Variants in ACOT12 observed in about 807,000 individuals in gnomAD.
ACOT12 encodes the protein acyl-CoA thioesterase 12, also known as acetyl-coenzyme A thioesterase.
ACOT12 carries 51 observed loss-of-function variants against 67.7 expected under a neutral mutation model. The observed-to-expected ratio is 0.75, with a 90% CI of 0.60 to 0.95. ACOT12 has a LOEUF of 0.95. Among genes scored for constraint, ACOT12 ranks in the 40% least tolerant of loss-of-function variants. The probability of loss-of-function intolerance (pLI) is 0.00; values close to 1 mark genes in which losing one functional copy is unlikely to be tolerated. For missense variants in ACOT12, 734 were observed against 708.1 expected (o/e 1.04, Z -0.41); for synonymous variants, 251 against 244.6 (o/e 1.03, Z -0.24).
At chr5:81,351,689 T>G (rs181396562) in intron 5 of ACOT12, among the ~76,000 whole-genome samples, 1 of 152,216 alleles carries the variant, frequency 6.6e-6, no homozygotes, top group Admixed American at 6.5e-5. Flanking sequence ...AGGACATTGG[T>G]CTGGACAAAA....
chr5:81,340,663 A>C (rs1290781639), intron 11 of ACOT12, among the ~76,000 whole-genome samples: 1 of 152,214 alleles, frequency 6.6e-6, no homozygotes, highest in Non-Finnish European at 1.5e-5. Flanking sequence ...CCTGGCCCAA[A>C]AGTATGATTC....
downstream of ACOT12, among the ~76,000 whole-genome samples, chr5:81,326,641 G>A (rs1758681187): frequency 6.6e-6 from 1 of 152,214 alleles, no homozygotes; most frequent in South Asian, 2.1e-4. Context: ...TGTCACAGCT[G>A]AGGAACCAAA....
At chr5:81,321,060 G>A in the ACOT12 span, among the ~76,000 whole-genome samples, 12 of 151,964 alleles carry the variant, frequency 7.9e-5, no homozygotes, top group Admixed American at 5.9e-4. Flanking sequence ...GCTCAAGACC[G>A]GCCTGGGCAA....
At chr5:81,321,888 G>A in the ACOT12 span, among the ~76,000 whole-genome samples, 21 of 152,212 alleles carry the variant, frequency 1.4e-4, no homozygotes, top group Admixed American at 5.2e-4. Flanking sequence ...CAAAGGTTGC[G>A]GTGAGTGGAG....
chr5:81,353,048 G>A (rs1045516322), intron 5 of ACOT12, among the ~76,000 whole-genome samples: 1 of 152,116 alleles, frequency 6.6e-6, no homozygotes, highest in Non-Finnish European at 1.5e-5. Flanking sequence ...TTAAGAGAAG[G>A]CCTTATGAGA....
chr5:81,322,150 A>T, the ACOT12 span, among the ~76,000 whole-genome samples: 2 of 152,204 alleles, frequency 1.3e-5, no homozygotes, highest in African/African-American at 4.8e-5. Flanking sequence ...AGAATCATTG[A>T]GGCTTTTCTT....
At position 81,376,377 on chromosome 5, in the gene ACOT12, A is replaced by G. The variant is rs191135505; in HGVS notation, c.198-4567T>C. Among the ~76,000 whole-genome samples the G allele has an allele frequency of 2.0e-5, 3 of 151,970 alleles. No homozygotes were observed. In the East Asian group the frequency reaches 5.8e-4, roughly 30 times the overall value. ...AAATTTATAGCACTGAATGCCCAGA[A>G]GAGAAAGCAGGAAAGATCCAAAATC... On this transcript the variant is annotated intron_variant, in intron 2 of 14. Coordinates refer to ENST00000307624, the MANE Select transcript of ACOT12 (RefSeq NM_130767.3).
In ACOT12 at chr5:81,330,923, G is replaced by A. The variant is rs773278421; in HGVS notation, c.1409C>T (p.Ala470Val). ...CGATGGCAAAATGACCGACTTCACTGCCACTGTGTAAGTGTTACTGAAAGA... is the reference window on the plus strand; with the variant it reads ...CGATGGCAAAATGACCGACTTCACTACCACTGTGTAAGTGTTACTGAAAGA... ...PLKDGNTYTVAVKSVILPSVP... is the reference protein window; with the variant it reads ...PLKDGNTYTVVVKSVILPSVP... Residue 470 changes from alanine to valine, a missense_variant, in exon 14 of 15, where the codon GCA becomes GTA. By Grantham distance (64) the Ala-to-Val change is moderately conservative. Coordinates refer to ENST00000307624, the MANE Select transcript of ACOT12 (RefSeq NM_130767.3). 1 of 1,611,498 alleles carries A rather than the reference G, an allele frequency of 6.2e-7. No individual in the cohort carries two copies. Among genetic ancestry groups the A allele is most frequent in the South Asian group, 1.1e-5 (1 of 90,646 alleles).
chr5:81,348,000 C>T, intron 5 of ACOT12, 70 bp from the exon 6 acceptor site: 7 of 1,497,886 alleles, frequency 4.7e-6, no homozygotes, highest in Non-Finnish European at 6.3e-6. Flanking sequence ...GCTTTTCCTT[C>T]CCGGCAGTAC....
intron 2 of ACOT12, among the ~76,000 whole-genome samples, chr5:81,383,381 A>C (rs180834659): frequency 2.2e-4 from 34 of 152,360 alleles, no homozygotes; most frequent in Admixed American, 2.0e-3. Context: ...AAGAAAAAAC[A>C]AAATCAAACC....
At chr5:81,357,067 G>T (rs1300596644) in intron 5 of ACOT12, among the ~76,000 whole-genome samples, 2 of 151,760 alleles carry the variant, frequency 1.3e-5, no homozygotes. Context: ...CTCTTGTGTT[G>T]GTGGCTTCCC....
At chr5:81,329,969 A>G (rs1293609138), downstream of ACOT12, 2 of 154,446 alleles carry the variant, frequency 1.3e-5, no homozygotes, top group Non-Finnish European at 2.9e-5. Flanking sequence ...ACGAGGAAGA[A>G]TGCCATACAT....
At chr5:81,365,012 G>A (rs1232593100) in intron 3 of ACOT12, among the ~76,000 whole-genome samples, 1 of 152,134 alleles carries the variant, frequency 6.6e-6, no homozygotes, top group Non-Finnish European at 1.5e-5. Flanking sequence ...TAAGAAGGTA[G>A]CTGAGACACT....
chr5:81,324,887 G>A, the ACOT12 span, among the ~76,000 whole-genome samples: 1 of 152,142 alleles, frequency 6.6e-6, no homozygotes, highest in African/African-American at 2.4e-5. Context: ...AGTGGAGGTG[G>A]GAGTATAGTT....
downstream of ACOT12, among the ~76,000 whole-genome samples, chr5:81,327,374 A>G (rs1210926029): frequency 6.6e-6 from 1 of 152,178 alleles, no homozygotes; most frequent in East Asian, 1.9e-4. Context: ...AAACAAACAT[A>G]ATAGAGAAAC....
intron 5 of ACOT12, among the ~76,000 whole-genome samples, chr5:81,349,561 G>A (rs1759491372): frequency 6.6e-6 from 1 of 152,090 alleles, no homozygotes; most frequent in African/African-American, 2.4e-5. Flanking sequence ...TACTTCCTCA[G>A]TGGAGCCTTC....
At chr5:81,377,161 C>T (rs2153857398) in intron 2 of ACOT12, among the ~76,000 whole-genome samples, 1 of 152,260 alleles carries the variant, frequency 6.6e-6, no homozygotes, top group African/African-American at 2.4e-5. Flanking sequence ...CAGCTTCATC[C>T]CTGGGATGCA....
the ACOT12 span, among the ~76,000 whole-genome samples, chr5:81,321,578 T>G: frequency 6.6e-6 from 1 of 152,160 alleles, no homozygotes; most frequent in Non-Finnish European, 1.5e-5. Context: ...ACTACCAGAC[T>G]TAAAAAGTAA....
chr5:81,349,066 C>T (rs1759473848), intron 5 of ACOT12, among the ~76,000 whole-genome samples: 1 of 152,168 alleles, frequency 6.6e-6, no homozygotes, highest in Admixed American at 6.5e-5. Context: ...CAAACTGGGA[C>T]ACCATCGTGG....
Sources: gnomAD v4.1 joint callset for allele counts (sites outside exome capture counted in the v4.1 genomes callset) on GRCh38, gnomAD v4.1.1 for gene constraint, MANE v1.5 for transcripts, NCBI Gene and HGNC (gene_info 2026-07-23, HGNC 2026-07-21) for gene names.